The following NUCB1 variants were observed in gnomAD, a reference collection of about 807,000 sequenced individuals.
NUCB1 encodes the protein nucleobindin 1.
NUCB1 carries 47 observed loss-of-function variants against 61.2 expected under a neutral mutation model. The observed-to-expected ratio is 0.77, with a 90% CI of 0.61 to 0.98. The LOEUF (loss-of-function observed/expected upper bound fraction) is 0.98. NUCB1 is among the 50% of genes least tolerant of loss of function. The pLI is 0.00. For synonymous variants in NUCB1, 234 were observed against 243.1 expected, an observed-to-expected ratio of 0.96 and a Z score of 0.35; for missense variants, 583 against 605.3, an observed-to-expected ratio of 0.96 and a Z score of 0.39.
intron 12 of NUCB1, 74 bp from the exon 13 acceptor site, chr19:48,922,244 G>A: frequency 3.2e-6 from 4 of 1,268,578 alleles, no homozygotes; most frequent in Non-Finnish European, 1.1e-6. Flanking sequence ...AGGGAGGAGG[G>A]GCTGGGCCTC....
rs753665988 is a variant in NUCB1, at chr19:48,911,304, G to A, written c.480+52G>A. 4 of 1,298,606 alleles carry A rather than the reference G, an allele frequency of 3.1e-6. No individual in the cohort carries two copies. The African/African-American group carries it at 5.8e-5, about 19-fold the overall frequency. The allele number at this position is 1,298,606 out of a possible 1,614,324, so 80.4% of individuals were successfully genotyped here. A position where few individuals can be genotyped will look rare whatever the true frequency, so the allele number is the denominator to read the frequency against. ...GGATTGAGGGTAGCTTTGCGGAAGG[G>A]GAGAAGGGGACAGAGTCCCAGACGT... is the stretch of plus-strand genomic sequence containing the variant. On this transcript the variant is annotated intron_variant, in intron 5 of 12. Coordinates refer to ENST00000405315, the MANE Select transcript of NUCB1 (RefSeq NM_006184.6).
rs368534755 is a variant in NUCB1, at chr19:48,918,510, T to C, written c.758-216T>C. The C allele has an allele frequency of 2.6e-4, 147 of 576,206 alleles. 2 individuals are homozygous for C. In the Middle Eastern group the frequency reaches 8.0e-3, roughly 31 times the overall value. The allele number at this position is 576,206 out of a possible 1,614,324, so 35.7% of individuals were successfully genotyped here. On this transcript the variant is annotated intron_variant, in intron 7 of 12. Transcript: ENST00000405315. Reference sequence around the variant, plus strand: ...ATGTTTCCTCGAACCCTCCCTTTGATCTATTCCATTCTCAACCCCCTGGTC... The same window carrying C: ...ATGTTTCCTCGAACCCTCCCTTTGACCTATTCCATTCTCAACCCCCTGGTC...
intron 7 of NUCB1, among the ~76,000 whole-genome samples, chr19:48,914,271 G>A (rs956039023): frequency 3.3e-5 from 5 of 151,836 alleles, no homozygotes; most frequent in African/African-American, 7.3e-5. Flanking sequence ...CACTGCGCCC[G>A]GCCTCGAAAG....
chr19:48,914,592 G>A (rs1271383946), intron 7 of NUCB1, among the ~76,000 whole-genome samples: 2 of 152,188 alleles, frequency 1.3e-5, no homozygotes, highest in Non-Finnish European at 1.5e-5. Flanking sequence ...AGACTGTACA[G>A]TATGAGAGGT....
chr19:48,913,154 G>C lies in NUCB1; in HGVS notation c.624G>C (p.Glu208Asp). ...QRKEAERKLE[E>D]QQRRHREHPK... ...AGGAGGCGGAGAGGAAGCTGGAAGAGCAACAGCGCCGGCACCGCGAGCACC... is the reference window on the plus strand; with the variant it reads ...AGGAGGCGGAGAGGAAGCTGGAAGACCAACAGCGCCGGCACCGCGAGCACC... Residue 208 changes from glutamate to aspartate, a missense_variant, in exon 6 of 13, where the codon GAG becomes GAC. Physicochemically the swap from Glu to Asp is conservative, Grantham distance 45. Transcript: ENST00000405315. 3 of 1,613,910 alleles carry C rather than the reference G, an allele frequency of 1.9e-6. No homozygotes were observed. The highest frequency in any genetic ancestry group is 1.7e-6 in the Non-Finnish European group (2 of 1,179,992).
intron 4 of NUCB1, among the ~76,000 whole-genome samples, chr19:48,907,281 T>A (rs1316373951): frequency 6.9e-6 from 1 of 145,502 alleles, no homozygotes; most frequent in African/African-American, 2.6e-5. Context: ...CCTTTTTTTT[T>A]TTTTTTTTTG....
Position 48,919,114 on chromosome 19 carries a change from A to C in NUCB1, c.901A>C (p.Met301Leu). 1 of 1,614,124 alleles carries C rather than the reference A, an allele frequency of 6.2e-7. No individual in the cohort carries two copies. The highest frequency in any genetic ancestry group is 8.5e-7 in the Non-Finnish European group (1 of 1,180,006). The change falls in exon 9 of 13, where the codon ATG becomes CTG. Residue 301 changes from methionine (M) to leucine (L), a missense_variant. Transcript: ENST00000405315. ...GCGACTGCGCATGCGGGAGCATGTG[A>C]TGAAGAATGTGAGGTGGGGGCCAGG... ...EERLRMREHV[M>L]KNVDTNQDRL...
At chr19:48,901,636 C>T (rs911621884) in intron 2 of NUCB1, among the ~76,000 whole-genome samples, 1 of 152,206 alleles carries the variant, frequency 6.6e-6, no homozygotes, top group Non-Finnish European at 1.5e-5. Flanking sequence ...TGGTGGCTCA[C>T]GCCTATAATC....
chr19:48,922,339 C>T lies in NUCB1; in HGVS notation c.1301C>T (p.Pro434Leu), dbSNP rs758852318. 25 of 1,613,644 alleles carry T rather than the reference C, an allele frequency of 1.5e-5. 1 individual carries two copies. The highest frequency in any genetic ancestry group is 2.0e-5 in the Non-Finnish European group (24 of 1,179,778). The change falls in exon 13 of 13, where the codon CCA becomes CTA. Residue 434 changes from proline to leucine, a missense_variant. By Grantham distance (98) the Pro-to-Leu change is moderately conservative. Coordinates refer to ENST00000405315, the MANE Select transcript of NUCB1 (RefSeq NM_006184.6). ...CCAGACGATGTACCTGTCCCAGCTCCAGCCGGTGACCAGAAGGAGGTGGAC... is the reference window on the plus strand; with the variant it reads ...CCAGACGATGTACCTGTCCCAGCTCTAGCCGGTGACCAGAAGGAGGTGGAC... Reference protein sequence around the residue: ...PDTDDVPVPAPAGDQKEVDTS... With the variant: ...PDTDDVPVPALAGDQKEVDTS...
chr19:48,914,352 G>T (rs2037515591), intron 7 of NUCB1, among the ~76,000 whole-genome samples: 1 of 151,912 alleles, frequency 6.6e-6, no homozygotes, highest in African/African-American at 2.4e-5. Context: ...ATGTGGCCTG[G>T]GGTTGCCAAG....
chr19:48,915,607 C>T (rs926043676), intron 7 of NUCB1, among the ~76,000 whole-genome samples: 1 of 152,038 alleles, frequency 6.6e-6, no homozygotes, highest in Non-Finnish European at 1.5e-5. Context: ...TTCAAGTGAT[C>T]CTCCCCCTCA....
At chr19:48,913,313 T>C in intron 6 of NUCB1, 117 bp downstream of exon 6, 1 of 1,238,304 alleles carries the variant, frequency 8.1e-7, no homozygotes, top group Admixed American at 2.5e-5. Flanking sequence ...AACTCCCTGT[T>C]ACTGTACCTG....
rs1298658326 is a variant in NUCB1, at chr19:48,909,233, AATT to A, written c.377-1900_377-1898del. Among the ~76,000 whole-genome samples the A allele has an allele frequency of 6.9e-3, 1,007 of 146,898 alleles. 12 individuals carry two copies. The highest frequency in any genetic ancestry group is 0.025 in the African/African-American group (969 of 38,498). ...TCTCCTTCCATTATTATTTTTTATTAATTATTATTATTATTATTTTTTTTTTTT... is the reference window on the plus strand; with the variant it reads ...TCTCCTTCCATTATTATTTTTTATTAATTATTATTATTATTTTTTTTTTTT... On this transcript the variant is annotated intron_variant, in intron 4 of 12. Coordinates refer to ENST00000405315, the MANE Select transcript of NUCB1 (RefSeq NM_006184.6).
chr19:48,920,119 G>C (rs555451267), intron 10 of NUCB1, among the ~76,000 whole-genome samples: 4 of 151,672 alleles, frequency 2.6e-5, no homozygotes, highest in Non-Finnish European at 5.9e-5. Context: ...ATGTTGGCCA[G>C]GCTGCTCTGA....
At position 48,921,009 on chromosome 19, in the gene NUCB1, A is replaced by C. The variant is rs1329839145; in HGVS notation, c.1003-145A>C. ...GTCTCTCGGTCTTTATCCCACTCCC[A>C]CCTCCCACTTGGGCTTCTTTGCCCA... On this transcript the variant is annotated intron_variant, in intron 10 of 12. Coordinates refer to ENST00000405315, the MANE Select transcript of NUCB1 (RefSeq NM_006184.6). 27 of 766,844 alleles carry C rather than the reference A, an allele frequency of 3.5e-5. No individual in the cohort carries two copies. In the Admixed American group the frequency reaches 3.8e-4, roughly 11 times the overall value. The allele number at this position is 766,844 out of a possible 1,614,324, so 47.5% of individuals were successfully genotyped here.
At chr19:48,903,710 G>T in intron 2 of NUCB1, among the ~76,000 whole-genome samples, 1 of 126,008 alleles carries the variant, frequency 7.9e-6, no homozygotes, top group East Asian at 2.7e-4. Flanking sequence ...GGATGGATGG[G>T]TGGGTGGATG....
chr19:48,909,262 T>TC (rs1555791451), intron 4 of NUCB1, among the ~76,000 whole-genome samples: 1 of 147,506 alleles, frequency 6.8e-6, no homozygotes, highest in African/African-American at 2.6e-5. Flanking sequence ...TTTTTTTTTT[T>TC]CCAAGACAGA....
Position 48,922,508 on chromosome 19 carries a change from T to TG in NUCB1, c.*89dup. On this transcript the variant is annotated 3_prime_UTR_variant, in exon 13 of 13. Transcript: ENST00000405315. ...GATGAAGTGGCACAGTCAGCTTCCC[T>TG]GGGGGCTGGTGTCATGTTGGGCTCC... The TG allele has an allele frequency of 8.4e-7, 1 of 1,189,500 alleles. No homozygotes were observed. The highest frequency in any genetic ancestry group is 1.2e-6 in the Non-Finnish European group (1 of 809,992). 73.7% of individuals were successfully genotyped at this position (1,189,500 alleles called of 1,614,324 possible).
rs192621600 is a variant in NUCB1 at position 48,912,665 on chromosome 19, G to A, written c.481-346G>A. Among the ~76,000 whole-genome samples the A allele has an allele frequency of 4.6e-5, 7 of 151,964 alleles. No homozygotes were observed. In the East Asian group the frequency reaches 1.2e-3, roughly 25 times the overall value. On this transcript the variant is annotated intron_variant, in intron 5 of 12. Transcript: ENST00000405315. ...AGCCTGGCCAACATGGTGAAACCTC[G>A]TTTCTACTAAAAATACAAAAATCAG...
Sources: allele counts gnomAD v4.1 joint callset (sites outside exome capture counted in the v4.1 genomes callset), GRCh38; gene constraint gnomAD v4.1.1; transcripts MANE v1.5; gene names NCBI Gene and HGNC (gene_info 2026-07-23, HGNC 2026-07-21).